Variants in RGL1 observed in about 807,000 individuals in gnomAD.
The protein encoded by RGL1 is ral guanine nucleotide dissociation stimulator like 1.
RGL1 carries 24 observed loss-of-function variants against 95.2 expected under a neutral mutation model. The ratio of observed to expected loss-of-function variants is 0.25; its 90% CI spans 0.18 to 0.35. The LOEUF (loss-of-function observed/expected upper bound fraction) is 0.35. Among genes scored for constraint, RGL1 ranks in the 10% least tolerant of loss-of-function variants. The pLI is 1.00. For missense variants in RGL1, 715 were observed against 936.3 expected (o/e 0.76, Z 3.08); for synonymous variants, 329 against 344.9 (o/e 0.95, Z 0.51).
intron 2 of RGL1, among the ~76,000 whole-genome samples, chr1:183,813,871 C>T (rs1363703402): frequency 6.6e-6 from 1 of 152,208 alleles, no homozygotes; most frequent in Admixed American, 6.5e-5. Flanking sequence ...TACCTCCTCT[C>T]AGTCTCACTC....
chr1:183,792,381 C>A (rs1456493909), intron 2 of RGL1, among the ~76,000 whole-genome samples: 1 of 151,984 alleles, frequency 6.6e-6, no homozygotes, highest in Non-Finnish European at 1.5e-5. Context: ...TCTAAGCTAA[C>A]CTATGGATAA....
chr1:183,898,887 AC>A (rs1433537329), intron 10 of RGL1, among the ~76,000 whole-genome samples: 1 of 152,166 alleles, frequency 6.6e-6, no homozygotes, highest in Non-Finnish European at 1.5e-5. Context: ...GCCTGGCTTT[AC>A]CCTGTTTGAG....
chr1:183,912,308 C>A, intron 15 of RGL1, 40 bp downstream of exon 15: 1 of 1,533,788 alleles, frequency 6.5e-7, no homozygotes, highest in Non-Finnish European at 9.0e-7. Flanking sequence ...AATGCAGGCA[C>A]CTACATGCTC....
chr1:183,881,016 A>G (rs1666795639), intron 5 of RGL1, among the ~76,000 whole-genome samples: 1 of 152,146 alleles, frequency 6.6e-6, no homozygotes, highest in Admixed American at 6.5e-5. Flanking sequence ...TTTCAAGACT[A>G]CCTAATCTGG....
chr1:183,897,200 A>G (rs1431283794), intron 9 of RGL1, among the ~76,000 whole-genome samples: 2 of 152,136 alleles, frequency 1.3e-5, no homozygotes, highest in Non-Finnish European at 2.9e-5. Flanking sequence ...TGTATTGATG[A>G]TTGCTTTCAT....
intron 1 of RGL1, among the ~76,000 whole-genome samples, chr1:183,660,715 A>G (rs1293841286): frequency 6.6e-6 from 1 of 151,954 alleles, no homozygotes; most frequent in Non-Finnish European, 1.5e-5. Context: ...GACCTAATAG[A>G]CATCTACAGA....
At chr1:183,639,537 C>T (rs773676239) in intron 1 of RGL1, among the ~76,000 whole-genome samples, 5 of 152,072 alleles carry the variant, frequency 3.3e-5, no homozygotes, top group African/African-American at 9.7e-5. Context: ...CTATGAATAT[C>T]TACATCAACT....
intron 1 of RGL1, among the ~76,000 whole-genome samples, chr1:183,689,034 C>T (rs570125405): frequency 1.3e-5 from 2 of 152,168 alleles, no homozygotes; most frequent in Admixed American, 6.5e-5. Flanking sequence ...CCCTTAAAGG[C>T]AGACAGATCA....
chr1:183,640,391 T>C (rs1649845120), intron 1 of RGL1, among the ~76,000 whole-genome samples: 1 of 152,202 alleles, frequency 6.6e-6, no homozygotes, highest in African/African-American at 2.4e-5. Flanking sequence ...CCTACTCCTT[T>C]GTGCTCTCCT....
chr1:183,814,274 C>T (rs1661929826), intron 2 of RGL1, among the ~76,000 whole-genome samples: 1 of 152,046 alleles, frequency 6.6e-6, no homozygotes, highest in African/African-American at 2.4e-5. Flanking sequence ...TGTGTCTTTC[C>T]ACTGATGTGA....
rs144644537 is a variant in RGL1 at position 183,888,516 on chromosome 1, G to A, written c.994G>A (p.Val332Ile). The change falls in exon 8 of 18, where the codon GTT becomes ATT. Residue 332 changes from valine to isoleucine, a missense_variant. Val to Ile is a conservative substitution (Grantham distance 29, BLOSUM62 3). This residue lies in a region of RGL1 where 381 missense variants were observed against 484.8 expected (regional missense o/e 0.79). Coordinates refer to ENST00000360851, the MANE Select transcript of RGL1 (RefSeq NM_001297671.3). The part of the protein sequence containing the change: ...LKNFSSLRAI[V>I]SALQSNSIYR... ...GAATTTTTCCTCCTTGAGGGCCATCGTTTCGGCACTGCAGTCTAATTCCAT... is the reference window on the plus strand; with the variant it reads ...GAATTTTTCCTCCTTGAGGGCCATCATTTCGGCACTGCAGTCTAATTCCAT... 1.8e-5 allele frequency: 29 copies of A among 1,613,372 alleles called. No homozygotes were observed. The highest frequency in any genetic ancestry group is 2.5e-5 in the Non-Finnish European group (29 of 1,179,418).
chr1:183,893,435 G>A (rs1667529889), intron 9 of RGL1, among the ~76,000 whole-genome samples: 1 of 152,084 alleles, frequency 6.6e-6, no homozygotes, highest in Non-Finnish European at 1.5e-5. Context: ...TTTGTATTTG[G>A]TGAGCTATAT....
At chr1:183,883,519 C>G (rs186877473) in intron 5 of RGL1, among the ~76,000 whole-genome samples, 188 of 152,274 alleles carry the variant, frequency 1.2e-3, no homozygotes, top group African/African-American at 4.1e-3. Flanking sequence ...CTAGACTTTG[C>G]CTATCCTGGC....
chr1:183,737,854 C>G (rs1487840248), intron 1 of RGL1, among the ~76,000 whole-genome samples: 1 of 151,910 alleles, frequency 6.6e-6, no homozygotes, highest in Non-Finnish European at 1.5e-5. Context: ...TTTTTTCACC[C>G]CACTCCCAAC....
intron 1 of RGL1, among the ~76,000 whole-genome samples, chr1:183,695,130 T>C (rs1654178634): frequency 6.6e-6 from 1 of 152,250 alleles, no homozygotes. Context: ...GAGTCTGCTC[T>C]TTCAGATATG....
intron 2 of RGL1, among the ~76,000 whole-genome samples, chr1:183,749,973 C>G (rs1351155428): frequency 6.6e-6 from 1 of 152,206 alleles, no homozygotes; most frequent in Admixed American, 6.5e-5. Flanking sequence ...CCTGACCTTT[C>G]TCTCTGGCTG....
chr1:183,699,257 T>C (rs1371949350), intron 1 of RGL1, among the ~76,000 whole-genome samples: 1 of 152,230 alleles, frequency 6.6e-6, no homozygotes, highest in Non-Finnish European at 1.5e-5. Context: ...AAATTCATTT[T>C]TACCATTTAA....
At chr1:183,830,898 G>A (rs957925779) in intron 2 of RGL1, among the ~76,000 whole-genome samples, 4 of 152,088 alleles carry the variant, frequency 2.6e-5, no homozygotes, top group Non-Finnish European at 4.4e-5. Flanking sequence ...ATGGAGTTTC[G>A]CATGCATTGA....
intron 6 of RGL1, among the ~76,000 whole-genome samples, chr1:183,884,266 G>A (rs1184785925): frequency 6.6e-6 from 1 of 152,128 alleles, no homozygotes; most frequent in East Asian, 1.9e-4. Flanking sequence ...GATTGTAAAG[G>A]GATCAAAGTA....
Sources: allele counts gnomAD v4.1 joint callset (sites outside exome capture counted in the v4.1 genomes callset), GRCh38; gene constraint gnomAD v4.1.1; regional missense constraint gnomAD v4.1.1; transcripts MANE v1.5; gene names NCBI Gene and HGNC (gene_info 2026-07-23, HGNC 2026-07-21).